Variants in PRKCE observed in about 807,000 individuals in gnomAD.
PRKCE encodes protein kinase C epsilon type.
Under a neutral mutation model 85.4 loss-of-function variants are expected in PRKCE, and 16 were observed. The observed-to-expected ratio is 0.19, with a 90% CI of 0.13 to 0.28. The LOEUF (loss-of-function observed/expected upper bound fraction) is 0.28. Ranked by LOEUF, PRKCE falls within the 10% of genes least tolerant of loss-of-function variation. PRKCE has a pLI of 1.00. For synonymous variants in PRKCE, 388 were observed against 371.5 expected (o/e 1.04, Z -0.51); for missense variants, 573 against 975.2 (o/e 0.59, Z 5.49).
intron 1 of PRKCE, among the ~76,000 whole-genome samples, chr2:45,825,155 C>G (rs552559437): frequency 5.9e-5 from 9 of 152,348 alleles, no homozygotes; most frequent in African/African-American, 2.2e-4. Context: ...TCATCTTTGC[C>G]TGGCCTTGGT....
At chr2:46,038,831 T>G (rs1484759106) in intron 10 of PRKCE, among the ~76,000 whole-genome samples, 1 of 152,198 alleles carries the variant, frequency 6.6e-6, no homozygotes, top group African/African-American at 2.4e-5. Context: ...ACAGAAGATT[T>G]AGCATGTTTT....
At chr2:46,000,597 A>C (rs1704598251) in intron 6 of PRKCE, among the ~76,000 whole-genome samples, 1 of 152,040 alleles carries the variant, frequency 6.6e-6, no homozygotes, top group Non-Finnish European at 1.5e-5. Context: ...CCACACTGAA[A>C]TCCTGAGATT....
chr2:45,667,329 ATCGAGATGGAG>A (rs1354151063), intron 1 of PRKCE, among the ~76,000 whole-genome samples: 1 of 152,016 alleles, frequency 6.6e-6, no homozygotes, highest in Non-Finnish European at 1.5e-5. Flanking sequence ...ATTTTTTTTT[ATCGAGATGGAG>A]TCTCACTGTG....
rs1295679076 is a variant in PRKCE at position 45,898,159 on chromosome 2, C to T, written c.412+55096C>T. 5.9e-5 allele frequency among the ~76,000 whole-genome samples: 9 copies of T among 152,280 alleles called. 1 individual carries two copies. The highest frequency in any genetic ancestry group is 2.2e-4 in the African/African-American group (9 of 41,552). ...GATGAAGCCACGTGGCTTTTATGAC[C>T]TAGTCTCTAAAATCACAACTCATCG... On this transcript the variant is annotated intron_variant, in intron 2 of 14. Transcript: ENST00000306156.
At chr2:45,686,564 A>G (rs77378785) in intron 1 of PRKCE, among the ~76,000 whole-genome samples, 2,044 of 152,322 alleles carry the variant, frequency 0.013, 46 homozygotes, top group African/African-American at 0.046. Context: ...TTAATATACA[A>G]AAATAACCGT....
At chr2:45,865,875 T>C in intron 2 of PRKCE, among the ~76,000 whole-genome samples, 1 of 149,228 alleles carries the variant, frequency 6.7e-6, no homozygotes, top group Non-Finnish European at 1.5e-5. Context: ...AGGAGTGCAG[T>C]GATACAATTA....
intron 2 of PRKCE, among the ~76,000 whole-genome samples, chr2:45,854,595 G>C (rs543490282): frequency 1.3e-5 from 2 of 152,322 alleles, no homozygotes; most frequent in South Asian, 4.1e-4. Flanking sequence ...CCTTCAACAG[G>C]ATTGCAAGGA....
intron 4 of PRKCE, 46 bp from the exon 5 acceptor site, chr2:45,980,250 C>A: frequency 6.3e-7 from 1 of 1,576,960 alleles, no homozygotes; most frequent in Non-Finnish European, 8.6e-7. Flanking sequence ...GAGGGACACT[C>A]CCTTTCCTGA....
intron 11 of PRKCE, among the ~76,000 whole-genome samples, chr2:46,090,746 G>T (rs2103952974): frequency 6.6e-6 from 1 of 152,252 alleles, no homozygotes; most frequent in Non-Finnish European, 1.5e-5. Context: ...GTATCAAGCT[G>T]CAAAAGGCTC....
At chr2:45,655,079 T>C (rs1675315458) in intron 1 of PRKCE, among the ~76,000 whole-genome samples, 1 of 152,244 alleles carries the variant, frequency 6.6e-6, no homozygotes, top group South Asian at 2.1e-4. Context: ...CACCGAATTC[T>C]GCCGCACTTT....
Position 45,907,468 on chromosome 2 carries a change from C to T in PRKCE, c.412+64405C>T, listed in dbSNP as rs1002766734. 6.6e-6 allele frequency among the ~76,000 whole-genome samples: 1 copy of T among 152,168 alleles called. No individual in the cohort carries two copies. Among genetic ancestry groups the T allele is most frequent in the African/African-American group, 2.4e-5 (1 of 41,440 alleles). ...GAACAAAACCAAGACGAGTTTTGTC[C>T]CTGCCACAGAGGTAACAATGGACGA... On this transcript the variant is annotated intron_variant, in intron 2 of 14. Transcript: ENST00000306156. This position sits in a 1 kb window ranked among gnomAD's most constrained non-coding sequence, Gnocchi z 4.5.
chr2:45,919,519 C>T (rs188371529), intron 2 of PRKCE, among the ~76,000 whole-genome samples: 245 of 152,360 alleles, frequency 1.6e-3, no homozygotes, highest in African/African-American at 5.7e-3. Flanking sequence ...CTCCTGCACC[C>T]CTCTTCCAGT....
chr2:45,820,723 T>A (rs918333682), intron 1 of PRKCE, among the ~76,000 whole-genome samples: 14 of 152,316 alleles, frequency 9.2e-5, no homozygotes, highest in African/African-American at 3.4e-4. Context: ...CTGTCTTCAT[T>A]TGTTGTTCTC....
intron 10 of PRKCE, among the ~76,000 whole-genome samples, chr2:46,084,637 G>T (rs775683093): frequency 1.3e-5 from 2 of 149,282 alleles, no homozygotes; most frequent in African/African-American, 5.0e-5. Flanking sequence ...CAGGAGAATC[G>T]CTTGAACCAG....
chr2:45,664,067 A>G (rs1675804561), intron 1 of PRKCE, among the ~76,000 whole-genome samples: 1 of 152,188 alleles, frequency 6.6e-6, no homozygotes, highest in Non-Finnish European at 1.5e-5. Flanking sequence ...GAACAAAATC[A>G]CTAGTGATAT....
At chr2:45,846,861 C>T (rs73928835) in intron 2 of PRKCE, among the ~76,000 whole-genome samples, 2,428 of 152,270 alleles carry the variant, frequency 0.016, 65 homozygotes, top group African/African-American at 0.053. Context: ...ACAGTGCCCT[C>T]GCATGTAAGA....
At chr2:45,759,044 T>G (rs1261080115) in intron 1 of PRKCE, among the ~76,000 whole-genome samples, 1 of 152,158 alleles carries the variant, frequency 6.6e-6, no homozygotes, top group Non-Finnish European at 1.5e-5. Flanking sequence ...GTGATTGAAT[T>G]TACAAAGTGA....
chr2:45,997,953 A>C (rs1574167035), intron 6 of PRKCE, among the ~76,000 whole-genome samples: 1 of 152,148 alleles, frequency 6.6e-6, no homozygotes, highest in Non-Finnish European at 1.5e-5. Context: ...AGTATTTTGG[A>C]ATTTTTGAGC....
intron 1 of PRKCE, among the ~76,000 whole-genome samples, chr2:45,714,704 G>A (rs1679946500): frequency 6.6e-6 from 1 of 152,182 alleles, no homozygotes; most frequent in African/African-American, 2.4e-5. Flanking sequence ...GTGTGCTGAG[G>A]GGAATGGGGA....
Sources: gnomAD v4.1 joint callset for allele counts (sites outside exome capture counted in the v4.1 genomes callset) on GRCh38, gnomAD v4.1.1 for gene constraint, Gnocchi (gnomAD v3.1) non-coding constraint, MANE v1.5 for transcripts, NCBI Gene and HGNC (gene_info 2026-07-23, HGNC 2026-07-21) for gene names.